SCD5: variants seen among roughly 807,000 people sequenced by gnomAD.
SCD5 encodes the protein acyl-CoA-desaturase 4.
A neutral mutation model predicts 30.4 loss-of-function variants in SCD5; 20 were observed. That is an observed-to-expected ratio of 0.66 (90% CI 0.46 to 0.96). The LOEUF (loss-of-function observed/expected upper bound fraction) is 0.96. Among genes scored for constraint, SCD5 ranks in the 40% least tolerant of loss-of-function variants. The pLI, the probability that SCD5 is intolerant of heterozygous loss-of-function variation, is 0.00. For synonymous variants in SCD5, 173 were observed against 176.4 expected (o/e 0.98, Z 0.16); for missense variants, 381 against 443.3 (o/e 0.86, Z 1.26).
At chr4:82,763,915 G>A (rs940281064) in intron 1 of SCD5, among the ~76,000 whole-genome samples, 10 of 152,218 alleles carry the variant, frequency 6.6e-5, no homozygotes, top group South Asian at 6.2e-4. Flanking sequence ...ATCTCCACAT[G>A]AGTGGTTATG....
intron 1 of SCD5, among the ~76,000 whole-genome samples, chr4:82,745,683 A>C (rs954775257): frequency 6.6e-6 from 1 of 152,142 alleles, no homozygotes; most frequent in Non-Finnish European, 1.5e-5. Context: ...ATGATTTTTA[A>C]ACTTTGTGTT....
intron 1 of SCD5, among the ~76,000 whole-genome samples, chr4:82,730,030 A>G (rs1020069889): frequency 2.0e-5 from 3 of 149,214 alleles, no homozygotes; most frequent in Non-Finnish European, 4.4e-5. Flanking sequence ...GCCAAGGTGT[A>G]ACCATCCCTT....
intron 1 of SCD5, among the ~76,000 whole-genome samples, chr4:82,780,123 A>T (rs1721836768): frequency 6.6e-6 from 1 of 152,236 alleles, no homozygotes; most frequent in Non-Finnish European, 1.5e-5. Flanking sequence ...ATGTTTAGGA[A>T]CATCTGTAGC....
intron 1 of SCD5, among the ~76,000 whole-genome samples, chr4:82,706,307 A>T (rs1384100058): frequency 6.6e-6 from 1 of 152,244 alleles, no homozygotes; most frequent in Non-Finnish European, 1.5e-5. Context: ...AATAAAATTA[A>T]TTCCAAGACT....
At chr4:82,732,193 C>T (rs549173738) in intron 1 of SCD5, among the ~76,000 whole-genome samples, 3 of 152,106 alleles carry the variant, frequency 2.0e-5, no homozygotes, top group Admixed American at 6.6e-5. Context: ...CTCTGCCTCC[C>T]GAGTTCAAGC....
intron 1 of SCD5, among the ~76,000 whole-genome samples, chr4:82,715,236 G>GA (rs34012730): frequency 0.068 from 9,148 of 134,878 alleles, 1,045 homozygotes; most frequent in African/African-American, 0.22. Flanking sequence ...GACTCCGTCT[G>GA]AAAAAAAAAA....
At chr4:82,681,826 A>G (rs1728582799) in intron 2 of SCD5, among the ~76,000 whole-genome samples, 1 of 152,200 alleles carries the variant, frequency 6.6e-6, no homozygotes, top group African/African-American at 2.4e-5. Flanking sequence ...CTTGGTTGTC[A>G]TAAGAGAGGG....
intron 2 of SCD5, among the ~76,000 whole-genome samples, chr4:82,693,618 T>C (rs1273290527): frequency 6.6e-6 from 1 of 152,132 alleles, no homozygotes; most frequent in African/African-American, 2.4e-5. Context: ...CCAACCTCAT[T>C]ATTATGTTCT....
intron 1 of SCD5, among the ~76,000 whole-genome samples, chr4:82,743,051 C>T (rs1720909892): frequency 6.6e-6 from 1 of 152,168 alleles, no homozygotes; most frequent in East Asian, 1.9e-4. Context: ...GCCCCCAGCC[C>T]TTTCCACTGA....
chr4:82,744,462 A>G (rs62311824), intron 1 of SCD5, among the ~76,000 whole-genome samples: 7,617 of 152,250 alleles, frequency 0.05, 232 homozygotes, highest in South Asian at 0.11. Flanking sequence ...GGCCTTGGCA[A>G]GCTGTATCCC....
chr4:82,656,548 C>T (rs534063345), intron 3 of SCD5, among the ~76,000 whole-genome samples: 137 of 152,254 alleles, frequency 9.0e-4, no homozygotes, highest in African/African-American at 3.0e-3. Context: ...GTGAATAGTG[C>T]TGCAATAAAC....
At chr4:82,710,093 C>T (rs976674517) in intron 1 of SCD5, among the ~76,000 whole-genome samples, 2 of 152,190 alleles carry the variant, frequency 1.3e-5, no homozygotes, top group Non-Finnish European at 2.9e-5. Flanking sequence ...CAGTGGTTCT[C>T]CACCCTGGCT....
At chr4:82,656,657 A>G (rs537352929) in intron 3 of SCD5, among the ~76,000 whole-genome samples, 15 of 152,184 alleles carry the variant, frequency 9.9e-5, no homozygotes, top group South Asian at 2.1e-4. Context: ...CTGGCTCTAG[A>G]TCCTTGAGGA....
chr4:82,785,322 T>C (rs556055285), intron 1 of SCD5, among the ~76,000 whole-genome samples: 1 of 152,192 alleles, frequency 6.6e-6, no homozygotes, highest in African/African-American at 2.4e-5. Context: ...CCCCTCTTTA[T>C]AAGGAAAAGC....
At chr4:82,662,857 C>CAA (rs11340677) in intron 3 of SCD5, among the ~76,000 whole-genome samples, 79 of 72,142 alleles carry the variant, frequency 1.1e-3, no homozygotes, top group Middle Eastern at 8.3e-3. Context: ...AACTCCGTCT[C>CAA]AAAAAAAAAA....
At chr4:82,737,114 A>G (rs889149158) in intron 1 of SCD5, among the ~76,000 whole-genome samples, 4 of 152,156 alleles carry the variant, frequency 2.6e-5, no homozygotes, top group African/African-American at 7.2e-5. Context: ...GTTGCTTTCC[A>G]GAAATATTGT....
At chr4:82,732,244 C>T (rs529233580) in intron 1 of SCD5, among the ~76,000 whole-genome samples, 4 of 152,014 alleles carry the variant, frequency 2.6e-5, no homozygotes, top group Non-Finnish European at 5.9e-5. Flanking sequence ...CAGACTACAG[C>T]TACTCGTCTG....
intron 2 of SCD5, among the ~76,000 whole-genome samples, chr4:82,691,488 G>A (rs1384157047): frequency 2.6e-5 from 4 of 152,120 alleles, no homozygotes; most frequent in Admixed American, 2.0e-4. Context: ...GACAAGCCTG[G>A]TATGAGATGA....
At chr4:82,633,412 T>G (rs981410465) in intron 4 of SCD5, among the ~76,000 whole-genome samples, 1 of 152,220 alleles carries the variant, frequency 6.6e-6, no homozygotes, top group South Asian at 2.1e-4. Context: ...ATTGCACATC[T>G]TGGCTACTGT....
Sources: gnomAD v4.1 joint callset for allele counts (sites outside exome capture counted in the v4.1 genomes callset) on GRCh38, gnomAD v4.1.1 for gene constraint, MANE v1.5 for transcripts, NCBI Gene and HGNC (gene_info 2026-07-23, HGNC 2026-07-21) for gene names.